The following PLPP1 variants were observed in gnomAD, a reference collection of about 807,000 sequenced individuals.
PLPP1 encodes phospholipid phosphatase 1.
Under a neutral mutation model 31.2 loss-of-function variants are expected in PLPP1, and 24 were observed. The observed-to-expected ratio is 0.77, with a 90% CI of 0.56 to 1.08. The LOEUF is 1.08. Among genes scored for constraint, PLPP1 ranks in the 50% least tolerant of loss-of-function variants. PLPP1 has a pLI of 0.00. For synonymous variants in PLPP1, 146 were observed against 126.3 expected (o/e 1.16, Z -1.05); for missense variants, 319 against 342.7 (o/e 0.93, Z 0.55).
At chr5:55,482,193 TACACACACAGACAC>T (rs1752683808) in intron 1 of PLPP1, among the ~76,000 whole-genome samples, 1 of 148,696 alleles carries the variant, frequency 6.7e-6, no homozygotes, top group Non-Finnish European at 1.5e-5. Context: ...ATATAGTATA[TACACACACAGACAC>T]ACACACACAC....
chr5:55,432,098 C>CTTTT (rs869025950), intron 4 of PLPP1, among the ~76,000 whole-genome samples: 250 of 6,932 alleles, frequency 0.036, 2 homozygotes, highest in African/African-American at 0.052. Context: ...TCTTTTTCTT[C>CTTTT]TTTTTTTTTT....
At chr5:55,443,190 A>ATATATATATATAT (rs1458750100) in intron 3 of PLPP1, among the ~76,000 whole-genome samples, 127 of 20,174 alleles carry the variant, frequency 6.3e-3, no homozygotes, top group Non-Finnish European at 0.015. Context: ...AAAAAAAAAA[A>ATATATATATATAT]AAATATATAT....
At chr5:55,501,100 G>A (rs906739354) in intron 1 of PLPP1, among the ~76,000 whole-genome samples, 3 of 152,124 alleles carry the variant, frequency 2.0e-5, no homozygotes, top group African/African-American at 7.2e-5. Flanking sequence ...GGATCACAAC[G>A]TCAGGAGTTT....
At chr5:55,430,503 T>C (rs1271363839) in intron 4 of PLPP1, among the ~76,000 whole-genome samples, 1 of 152,196 alleles carries the variant, frequency 6.6e-6, no homozygotes, top group East Asian at 1.9e-4. Flanking sequence ...AAAGAAATCA[T>C]ACTGAGACTA....
At chr5:55,465,179 G>T (rs1245066253) in intron 3 of PLPP1, among the ~76,000 whole-genome samples, 1 of 151,904 alleles carries the variant, frequency 6.6e-6, no homozygotes, top group African/African-American at 2.4e-5. Flanking sequence ...AAGTAGCTGG[G>T]ATTACAGGTG....
chr5:55,492,035 T>G (rs1333798502), intron 1 of PLPP1, among the ~76,000 whole-genome samples: 2 of 53,642 alleles, frequency 3.7e-5, no homozygotes, highest in African/African-American at 1.0e-4. Flanking sequence ...TTTAACAAGT[T>G]ATACCAAAAT....
In PLPP1 at chr5:55,534,704, G is replaced by A. The variant is rs1740823380; in HGVS notation, c.-75C>T. On this transcript the variant is annotated 5_prime_UTR_variant, in exon 1 of 6. Transcript: ENST00000307259. ...GGCGGCCGAGGCCCTTGATTCTCGA[G>A]CCCGGGCCGGGGCTGGCGACGGCCC... The A allele has an allele frequency of 1.7e-5, 24 of 1,443,706 alleles. No homozygotes were observed. Among genetic ancestry groups the A allele is most frequent in the Non-Finnish European group, 2.2e-5 (24 of 1,076,564 alleles). 89.4% of individuals were successfully genotyped at this position (1,443,706 alleles called of 1,614,324 possible).
At chr5:55,512,232 A>C (rs1210078929) in intron 1 of PLPP1, among the ~76,000 whole-genome samples, 1 of 151,980 alleles carries the variant, frequency 6.6e-6, no homozygotes, top group Non-Finnish European at 1.5e-5. Flanking sequence ...GCAATTTGGG[A>C]GGCTGAGGTG....
At chr5:55,466,301 A>C (rs1438420847) in intron 3 of PLPP1, among the ~76,000 whole-genome samples, 5 of 152,228 alleles carry the variant, frequency 3.3e-5, no homozygotes. Context: ...ACTAAGGTCC[A>C]TGAAGATGGG....
intron 4 of PLPP1, among the ~76,000 whole-genome samples, chr5:55,434,616 A>G (rs1283166232): frequency 6.6e-6 from 1 of 152,166 alleles, no homozygotes; most frequent in Admixed American, 6.5e-5. Flanking sequence ...GATACCAGAA[A>G]TAAGTCCACG....
intron 3 of PLPP1, among the ~76,000 whole-genome samples, chr5:55,459,733 G>A (rs573372527): frequency 3.3e-5 from 5 of 152,280 alleles, no homozygotes; most frequent in African/African-American, 1.2e-4. Context: ...AACAACTCAG[G>A]TTTGAACTGT....
intron 1 of PLPP1, among the ~76,000 whole-genome samples, chr5:55,517,637 C>T (rs192870103): frequency 3.9e-5 from 6 of 152,266 alleles, no homozygotes; most frequent in Middle Eastern, 3.4e-3. Flanking sequence ...GAGCAAATTC[C>T]CTACTTCAGG....
intron 3 of PLPP1, among the ~76,000 whole-genome samples, chr5:55,453,863 C>T (rs1247393621): frequency 1.3e-5 from 2 of 152,134 alleles, no homozygotes; most frequent in African/African-American, 4.8e-5. Context: ...ATCGCTTGAA[C>T]CCAGGAGGTG....
chr5:55,533,381 CAAAAAAA>C (rs35146174), intron 1 of PLPP1, among the ~76,000 whole-genome samples: 36 of 113,394 alleles, frequency 3.2e-4, no homozygotes, highest in Non-Finnish European at 6.2e-4. Flanking sequence ...AGACTGTATC[CAAAAAAA>C]AAAAAAAAAG....
chr5:55,511,100 TC>T (rs747784291), intron 1 of PLPP1, among the ~76,000 whole-genome samples: 52 of 152,216 alleles, frequency 3.4e-4, no homozygotes, highest in Non-Finnish European at 6.2e-4. Context: ...TGTCTATGTA[TC>T]TCTTTAATCC....
chr5:55,465,608 G>T (rs375662242), intron 3 of PLPP1, among the ~76,000 whole-genome samples: 164 of 152,264 alleles, frequency 1.1e-3, no homozygotes, highest in African/African-American at 3.6e-3. Context: ...GTGTTGGGCC[G>T]CATTCAAAGC....
At chr5:55,498,339 A>T (rs1465730059) in intron 1 of PLPP1, among the ~76,000 whole-genome samples, 1 of 152,078 alleles carries the variant, frequency 6.6e-6, no homozygotes, top group African/African-American at 2.4e-5. Context: ...AAAGAGGTAG[A>T]TCCTAAAGAT....
intron 2 of PLPP1, 68 bp downstream of exon 2, chr5:55,475,230 TA>T: frequency 7.3e-7 from 1 of 1,378,532 alleles, no homozygotes; most frequent in Non-Finnish European, 9.9e-7. Context: ...ATTTAAGCAT[TA>T]AAAGAGTAAC....
At chr5:55,521,716 T>C (rs1753672517) in intron 1 of PLPP1, among the ~76,000 whole-genome samples, 1 of 152,142 alleles carries the variant, frequency 6.6e-6, no homozygotes, top group African/African-American at 2.4e-5. Flanking sequence ...AGTAATAAGC[T>C]AGTAAAAATC....
Sources: gnomAD v4.1 joint callset for allele counts (sites outside exome capture counted in the v4.1 genomes callset) on GRCh38, gnomAD v4.1.1 for gene constraint, MANE v1.5 for transcripts, NCBI Gene and HGNC (gene_info 2026-07-23, HGNC 2026-07-21) for gene names.